Variants in TRARG1 observed in about 807,000 individuals in gnomAD.
TRARG1 encodes the protein trafficking regulator of GLUT4 (SLC2A4) 1 (gene/pseudogene).
TRARG1 carries 16 observed loss-of-function variants against 13.3 expected under a neutral mutation model. The observed-to-expected ratio is 1.20, with a 90% CI of 0.81 to 1.83. The LOEUF (loss-of-function observed/expected upper bound fraction) is 1.83. Among genes scored for constraint, TRARG1 ranks in the 40% most tolerant of loss-of-function variants. The pLI is 0.00. For synonymous variants in TRARG1, 113 were observed against 106.2 expected (o/e 1.06, Z -0.39); for missense variants, 250 against 237.4 (o/e 1.05, Z -0.35).
At chr17:1,296,060 C>T (rs1245161040) in intron 2 of TRARG1, among the ~76,000 whole-genome samples, 2 of 152,236 alleles carry the variant, frequency 1.3e-5, no homozygotes, top group East Asian at 1.9e-4. Context: ...ACTAAAATCC[C>T]TGCAGTCAGC....
At chr17:1,287,119 G>A (rs2072030623) in intron 1 of TRARG1, among the ~76,000 whole-genome samples, 1 of 151,866 alleles carries the variant, frequency 6.6e-6, no homozygotes, top group South Asian at 2.1e-4. Flanking sequence ...GAAGACAAAG[G>A]GCATGAGAGG....
chr17:1,280,917 G>A (rs1041330508), intron 1 of TRARG1, among the ~76,000 whole-genome samples: 2 of 152,192 alleles, frequency 1.3e-5, no homozygotes, highest in African/African-American at 2.4e-5. Context: ...AGGCTCCCCC[G>A]AGGGGCGCAC....
chr17:1,285,359 C>A (rs1043884045), intron 1 of TRARG1, among the ~76,000 whole-genome samples: 3 of 151,714 alleles, frequency 2.0e-5, no homozygotes, highest in Non-Finnish European at 2.9e-5. Context: ...TGCAATGAGC[C>A]AAGATTGTGC....
At chr17:1,283,091 G>A (rs147263238) in intron 1 of TRARG1, among the ~76,000 whole-genome samples, 354 of 152,252 alleles carry the variant, frequency 2.3e-3, no homozygotes, top group Non-Finnish European at 4.1e-3. Context: ...CCTCCAGTCC[G>A]GCAGGAAGGA....
In TRARG1 at chr17:1,280,070, G is replaced by A; in HGVS notation, c.69G>A (p.Leu23=). The A allele has an allele frequency of 6.2e-7, 1 of 1,613,554 alleles. No individual in the cohort carries two copies. The highest frequency in any genetic ancestry group is 1.6e-4 in the Middle Eastern group (1 of 6,062). ...CAGGCTCCGCCGCATTCCTGGACCT[G>A]CCGGAGATGGAGATACTCCTCACCA... ...QEPGSAAFLD[L]PEMEILLTKA... is the part of the protein sequence containing the mutation. The change falls in exon 1 of 3, where the codon CTG becomes CTA. Residue 23 remains leucine, a synonymous_variant. Transcript: ENST00000333813.
chr17:1,289,883 G>C (rs576294885), intron 1 of TRARG1, among the ~76,000 whole-genome samples: 57 of 152,134 alleles, frequency 3.7e-4, no homozygotes, highest in African/African-American at 1.3e-3. Context: ...CTGGAGGAAG[G>C]GCACCTCCAC....
chr17:1,294,753 T>C (rs2072098826), intron 1 of TRARG1, among the ~76,000 whole-genome samples: 1 of 151,306 alleles, frequency 6.6e-6, no homozygotes, highest in Admixed American at 6.6e-5. Context: ...TGGCACAATC[T>C]TGGCTCACTG....
chr17:1,295,678 C>T (rs988288697), intron 2 of TRARG1, 55 bp downstream of exon 2: 27 of 1,550,092 alleles, frequency 1.7e-5, no homozygotes, highest in Non-Finnish European at 2.3e-5. Context: ...GTGAGGACTG[C>T]TCAAGGGTGT....
rs374016638 is a variant in TRARG1 at position 1,279,972 on chromosome 17, G to A, written c.-30G>A. 2 of 1,584,190 alleles carry A rather than the reference G, an allele frequency of 1.3e-6. No individual in the cohort carries two copies. The highest frequency in any genetic ancestry group is 3.5e-5 in the Admixed American group (2 of 57,522). ...CTCCAGAGCCCCTTGTCCCAGCCTG[G>A]AGCTGCAGCCGCGCAAGGCCCAGGC... On this transcript the variant is annotated 5_prime_UTR_variant, in exon 1 of 3. Coordinates refer to ENST00000333813, the MANE Select transcript of TRARG1 (RefSeq NM_172367.3).
At position 1,299,577 on chromosome 17, in the gene TRARG1, C is replaced by T. The variant is rs1468329125; in HGVS notation, c.*1313C>T. ...GGGCCCTCGGCCTCTTCCTTCGTTCCAGGCCCATGATTTTCCCTACACTTC... is the reference window on the plus strand; with the variant it reads ...GGGCCCTCGGCCTCTTCCTTCGTTCTAGGCCCATGATTTTCCCTACACTTC... On this transcript the variant is annotated 3_prime_UTR_variant, in exon 3 of 3. Coordinates refer to ENST00000333813, the MANE Select transcript of TRARG1 (RefSeq NM_172367.3). The T allele has an allele frequency of 2.6e-5, 4 of 152,168 alleles. No homozygotes were observed. The highest frequency in any genetic ancestry group is 2.1e-4 in the South Asian group (1 of 4,814). The allele number at this position is 152,168 out of a possible 1,614,324, so 9.4% of individuals were successfully genotyped here.
chr17:1,293,342 G>C (rs1394772040), intron 1 of TRARG1, among the ~76,000 whole-genome samples: 1 of 151,768 alleles, frequency 6.6e-6, no homozygotes, highest in Admixed American at 6.6e-5. Context: ...AGAGGGCAGA[G>C]GAGCCGTCAC....
At chr17:1,280,867 C>T (rs1422656911) in intron 1 of TRARG1, among the ~76,000 whole-genome samples, 3 of 152,190 alleles carry the variant, frequency 2.0e-5, no homozygotes, top group Admixed American at 6.5e-5. Flanking sequence ...TTCCAAGAGT[C>T]GCAGCGGCTT....
intron 2 of TRARG1, among the ~76,000 whole-genome samples, chr17:1,296,182 T>C (rs2072109219): frequency 6.6e-6 from 1 of 152,210 alleles, no homozygotes; most frequent in Non-Finnish European, 1.5e-5. Flanking sequence ...GGAAACATTT[T>C]TTATTATTTT....
At chr17:1,281,004 C>T (rs968215132) in intron 1 of TRARG1, among the ~76,000 whole-genome samples, 3 of 152,210 alleles carry the variant, frequency 2.0e-5, no homozygotes, top group African/African-American at 7.2e-5. Flanking sequence ...TCCACAGCTA[C>T]GCTGACTTCA....
chr17:1,294,422 G>A (rs1015409619), intron 1 of TRARG1, among the ~76,000 whole-genome samples: 28 of 151,568 alleles, frequency 1.8e-4, no homozygotes, highest in Admixed American at 1.1e-3. Flanking sequence ...TTGATTGAAC[G>A]AGGATGTGGT....
At chr17:1,287,026 C>T (rs1005555959) in intron 1 of TRARG1, among the ~76,000 whole-genome samples, 7 of 151,754 alleles carry the variant, frequency 4.6e-5, no homozygotes, top group African/African-American at 1.5e-4. Flanking sequence ...GATGACACAT[C>T]GAAGGGTTGG....
At chr17:1,280,634 T>C (rs2071966658) in intron 1 of TRARG1, among the ~76,000 whole-genome samples, 2 of 152,116 alleles carry the variant, frequency 1.3e-5, no homozygotes, top group African/African-American at 4.8e-5. Context: ...TTTGCACCTG[T>C]GTCTGCTGGG....
intron 1 of TRARG1, among the ~76,000 whole-genome samples, chr17:1,284,333 G>A (rs961663300): frequency 2.0e-5 from 3 of 152,190 alleles, no homozygotes; most frequent in South Asian, 2.1e-4. Flanking sequence ...GTCTTCAAGC[G>A]TCATCCCTGC....
chr17:1,284,093 C>T lies in TRARG1; in HGVS notation c.387+3705C>T, dbSNP rs571081517. Among the ~76,000 whole-genome samples, 17 of 148,944 alleles carry T rather than the reference C, an allele frequency of 1.1e-4. No homozygotes were observed. In the East Asian group the frequency reaches 1.8e-3, roughly 16 times the overall value. On this transcript the variant is annotated intron_variant, in intron 1 of 2. Coordinates refer to ENST00000333813, the MANE Select transcript of TRARG1 (RefSeq NM_172367.3). ...TGGTGCCACTGCACTCCAGCCTGGG[C>T]GACAGAGCAAGATTCTGTCTCAAAA...
Sources: allele counts gnomAD v4.1 joint callset (sites outside exome capture counted in the v4.1 genomes callset), GRCh38; gene constraint gnomAD v4.1.1; transcripts MANE v1.5; gene names NCBI Gene and HGNC (gene_info 2026-07-23, HGNC 2026-07-21).